KAZN: variants seen among roughly 807,000 people sequenced by gnomAD.
The protein encoded by KAZN is kazrin.
A neutral mutation model predicts 87.4 loss-of-function variants in KAZN; 40 were observed. The observed-to-expected ratio is 0.46, with a 90% CI of 0.36 to 0.60. The LOEUF (loss-of-function observed/expected upper bound fraction) is 0.60, where lower values mean the gene tolerates loss of function less well. KAZN is among the 20% of genes least tolerant of loss of function. The pLI is 0.00. For synonymous variants in KAZN, 466 were observed against 458.3 expected, an observed-to-expected ratio of 1.02 and a Z score of -0.22; for missense variants, 898 against 1,073.9, an observed-to-expected ratio of 0.84 and a Z score of 2.29.
At position 13,926,151 on chromosome 1, in the gene KAZN, C is replaced by A. The variant is rs1449870743; in HGVS notation, c.91+32395C>A. Among the ~76,000 whole-genome samples the A allele has an allele frequency of 3.9e-5, 6 of 152,124 alleles. 1 individual carries two copies. The highest frequency in any genetic ancestry group is 3.3e-4 in the Admixed American group (5 of 15,284). On this transcript the variant is annotated intron_variant, in intron 1 of 16. Coordinates refer to the KAZN transcript ENST00000636203. ...TTCTCCTAGGAAGCTTTCACCAATTCTCTCCCAAACTGAGTTGGGGTCTTG... is the reference window on the plus strand; with the variant it reads ...TTCTCCTAGGAAGCTTTCACCAATTATCTCCCAAACTGAGTTGGGGTCTTG...
chr1:14,533,291 A>G (rs1672313483), intron 2 of KAZN, among the ~76,000 whole-genome samples: 2 of 152,222 alleles, frequency 1.3e-5, no homozygotes, highest in East Asian at 3.8e-4. Context: ...GTGGGGGGAA[A>G]ATGAGATACA....
intron 2 of KAZN, among the ~76,000 whole-genome samples, chr1:14,408,206 T>TA (rs1240810439): frequency 3.3e-5 from 5 of 152,208 alleles, no homozygotes; most frequent in African/African-American, 1.2e-4. Flanking sequence ...TTCTGAATAT[T>TA]AGAGTTTATG....
intron 1 of KAZN, among the ~76,000 whole-genome samples, chr1:14,637,235 A>G (rs1680059623): frequency 6.6e-6 from 1 of 152,220 alleles, no homozygotes; most frequent in Admixed American, 6.5e-5. Context: ...TGATGGGCAG[A>G]GGCACACTGT....
chr1:14,404,779 T>C (rs1419881834), intron 2 of KAZN, among the ~76,000 whole-genome samples: 1 of 152,202 alleles, frequency 6.6e-6, no homozygotes, highest in African/African-American at 2.4e-5. Context: ...GAAATGTATA[T>C]ATGCAAACAC....
At chr1:14,259,341 A>G (rs76291552) in intron 2 of KAZN, among the ~76,000 whole-genome samples, 131 of 152,192 alleles carry the variant, frequency 8.6e-4, no homozygotes, top group Admixed American at 1.5e-3. Context: ...CCCTTCCCCA[A>G]TGGAGCTGAC....
At chr1:14,116,284 GA>G (rs145407079) in intron 1 of KAZN, among the ~76,000 whole-genome samples, 11,655 of 152,248 alleles carry the variant, frequency 0.077, 623 homozygotes, top group Non-Finnish European at 0.11. Context: ...AGGCCTAGGA[GA>G]AAAAAGTGGT....
intron 6 of KAZN, chr1:15,062,388 A>C (rs1301765611): frequency 2.0e-5 from 3 of 152,622 alleles, no homozygotes; most frequent in African/African-American, 7.2e-5. Flanking sequence ...TAAAGACTAA[A>C]CTACCATTCA....
intron 1 of KAZN, among the ~76,000 whole-genome samples, chr1:14,811,643 A>T (rs527255906): frequency 6.6e-6 from 1 of 152,266 alleles, no homozygotes; most frequent in African/African-American, 2.4e-5. Flanking sequence ...TATTTTACTA[A>T]ATTCTATCAA....
intron 2 of KAZN, among the ~76,000 whole-genome samples, chr1:14,283,364 G>A (rs948332658): frequency 3.3e-5 from 5 of 152,120 alleles, no homozygotes; most frequent in African/African-American, 1.2e-4. Flanking sequence ...CTCCAAAAGA[G>A]GACATTGATA....
chr1:14,505,008 C>T (rs1209038127), intron 2 of KAZN, among the ~76,000 whole-genome samples: 6 of 152,174 alleles, frequency 3.9e-5, no homozygotes, highest in East Asian at 3.9e-4. Context: ...CAAATACCAC[C>T]GAAAAGTGTA....
chr1:15,071,359 C>T (rs1469034801), intron 8 of KAZN, among the ~76,000 whole-genome samples: 2 of 152,104 alleles, frequency 1.3e-5, no homozygotes, highest in African/African-American at 4.8e-5. Flanking sequence ...TCAAGCGATT[C>T]TCCCACCTCA....
At chr1:14,988,341 G>A (rs1049139601) in intron 2 of KAZN, among the ~76,000 whole-genome samples, 2 of 152,196 alleles carry the variant, frequency 1.3e-5, no homozygotes, top group South Asian at 2.1e-4. Context: ...GCATTCTCAG[G>A]CAGACACGGA....
chr1:14,823,273 C>T (rs78439644), intron 1 of KAZN, among the ~76,000 whole-genome samples: 2 of 152,066 alleles, frequency 1.3e-5, no homozygotes, highest in Admixed American at 6.5e-5. Context: ...GAGACGTCCC[C>T]GTGAAGTCAT....
At chr1:14,226,250 A>G (rs1239522146) in intron 2 of KAZN, among the ~76,000 whole-genome samples, 1 of 152,222 alleles carries the variant, frequency 6.6e-6, no homozygotes, top group Non-Finnish European at 1.5e-5. Flanking sequence ...GGCAAAGGAC[A>G]TGAACAGACA....
intron 2 of KAZN, among the ~76,000 whole-genome samples, chr1:14,331,598 A>G (rs540060974): frequency 6.6e-6 from 1 of 152,184 alleles, no homozygotes; most frequent in Non-Finnish European, 1.5e-5. Context: ...TGTGGTTTGT[A>G]ATACACATTT....
At chr1:14,138,082 A>T (rs4662115) in intron 1 of KAZN, among the ~76,000 whole-genome samples, 50,890 of 149,986 alleles carry the variant, frequency 0.34, 9,261 homozygotes, top group East Asian at 0.63. Flanking sequence ...TAAATGTTAC[A>T]GTGTGTGTGT....
At chr1:14,218,557 G>C (rs1188721567) in intron 2 of KAZN, among the ~76,000 whole-genome samples, 1 of 152,094 alleles carries the variant, frequency 6.6e-6, no homozygotes, top group African/African-American at 2.4e-5. Context: ...AAGGACAAAG[G>C]AACTAATGAT....
At chr1:14,666,996 C>T (rs1639601447) in intron 1 of KAZN, among the ~76,000 whole-genome samples, 1 of 152,186 alleles carries the variant, frequency 6.6e-6, no homozygotes, top group South Asian at 2.1e-4. Context: ...GGCCTCCCAA[C>T]CTGTCCTCTT....
At chr1:14,776,127 A>C (rs936573655) in intron 1 of KAZN, among the ~76,000 whole-genome samples, 1 of 152,212 alleles carries the variant, frequency 6.6e-6, no homozygotes, top group Admixed American at 6.5e-5. Context: ...CTCCTGCCTC[A>C]GCCTCCCAAG....
Sources: gnomAD v4.1 joint callset for allele counts (sites outside exome capture counted in the v4.1 genomes callset) on GRCh38, gnomAD v4.1.1 for gene constraint, MANE v1.5 for transcripts, NCBI Gene and HGNC (gene_info 2026-07-23, HGNC 2026-07-21) for gene names.